The following DIP2C variants were observed in gnomAD, a reference collection of about 807,000 sequenced individuals.
The protein encoded by DIP2C is DIP2 acetate--CoA ligase C (putative), also known as disco-interacting protein 2 homolog C.
Under a neutral mutation model 192.4 loss-of-function variants are expected in DIP2C, and 33 were observed. The ratio of observed to expected loss-of-function variants is 0.17; its 90% CI spans 0.13 to 0.23. DIP2C has a LOEUF of 0.23. Among genes scored for constraint, DIP2C ranks in the 10% least tolerant of loss-of-function variants. The pLI is 1.00. For synonymous variants in DIP2C, 979 were observed against 864.1 expected, an observed-to-expected ratio of 1.13 and a Z score of -2.33; for missense variants, 1,537 against 2,110.1, an observed-to-expected ratio of 0.73 and a Z score of 5.32.
chr10:500,961 C>A (rs1325766875), intron 1 of DIP2C, among the ~76,000 whole-genome samples: 1 of 152,118 alleles, frequency 6.6e-6, no homozygotes, highest in East Asian at 1.9e-4. Context: ...ATTTAAGAGG[C>A]CTGAGGTTTT....
rs374388646 is a variant in DIP2C at position 325,082 on chromosome 10, G to A, written c.3924+1924C>T. The A allele has an allele frequency of 1.1e-3, 457 of 407,798 alleles. 1 individual carries two copies. Among genetic ancestry groups the A allele is most frequent in the African/African-American group, 7.7e-3 (368 of 48,060 alleles). The allele number at this position is 407,798 out of a possible 1,614,324, so 25.3% of individuals were successfully genotyped here. A position where few individuals can be genotyped will look rare whatever the true frequency, so the allele number is the denominator to read the frequency against. On this transcript the variant is annotated intron_variant, in intron 31 of 36. Transcript: ENST00000280886. The stretch of plus-strand genomic sequence containing the variant: ...AGATCAAAACCATGCTGGCTAACAC[G>A]GTGAAACCCCATCTCTACTAAAAAT...
chr10:440,451 A>G (rs1271524277), intron 4 of DIP2C, among the ~76,000 whole-genome samples: 1 of 152,230 alleles, frequency 6.6e-6, no homozygotes, highest in Non-Finnish European at 1.5e-5. Flanking sequence ...GTAACTGCCT[A>G]AATTGTCCAA....
At chr10:334,498 A>G (rs1439848639) in intron 29 of DIP2C, among the ~76,000 whole-genome samples, 1 of 152,052 alleles carries the variant, frequency 6.6e-6, no homozygotes, top group African/African-American at 2.4e-5. Flanking sequence ...ACCTTTGATG[A>G]ACTCTGTGCC....
At chr10:454,128 T>C (rs1396452646) in intron 3 of DIP2C, among the ~76,000 whole-genome samples, 12 of 152,194 alleles carry the variant, frequency 7.9e-5, no homozygotes, top group Admixed American at 7.9e-4. Context: ...GGCAGATCTT[T>C]CTCGTTTTTT....
chr10:377,891 T>C (rs187084722), intron 17 of DIP2C, among the ~76,000 whole-genome samples: 83 of 152,324 alleles, frequency 5.4e-4, no homozygotes, highest in Non-Finnish European at 1.0e-3. Flanking sequence ...ATTACTAAAA[T>C]ATCAGGGTAT....
At chr10:472,763 G>A (rs375535889) in intron 2 of DIP2C, among the ~76,000 whole-genome samples, 165 of 152,206 alleles carry the variant, frequency 1.1e-3, no homozygotes, top group South Asian at 2.3e-3. Flanking sequence ...ACGCCGCCAC[G>A]GTCCCTTTCA....
chr10:644,458 T>G (rs1354745964), intron 1 of DIP2C, among the ~76,000 whole-genome samples: 1 of 152,282 alleles, frequency 6.6e-6, no homozygotes, highest in Non-Finnish European at 1.5e-5. Flanking sequence ...AATCCCAGAC[T>G]TGCCCACAGC....
chr10:432,991 T>C (rs1170672282), intron 4 of DIP2C, among the ~76,000 whole-genome samples: 1 of 152,234 alleles, frequency 6.6e-6, no homozygotes, highest in African/African-American at 2.4e-5. Context: ...ACTCGTTTAA[T>C]TCCTATTCTT....
intron 1 of DIP2C, among the ~76,000 whole-genome samples, chr10:671,554 C>A (rs980099030): frequency 2.5e-5 from 2 of 79,076 alleles, no homozygotes; most frequent in African/African-American, 5.5e-5. Flanking sequence ...GACGCACGGA[C>A]GGAGGAAACG....
At chr10:313,633 C>A (rs151053119) in intron 31 of DIP2C, among the ~76,000 whole-genome samples, 2 of 152,314 alleles carry the variant, frequency 1.3e-5, no homozygotes, top group East Asian at 3.9e-4. Context: ...GCAAATGCTG[C>A]GCCATTTTCC....
chr10:288,306 C>T, intron 33 of DIP2C, 58 bp downstream of exon 33: 3 of 1,497,198 alleles, frequency 2.0e-6, no homozygotes, highest in Non-Finnish European at 2.8e-6. Context: ...AATTTCAAAG[C>T]CCATACAGTC....
At chr10:418,221 T>G (rs866248995) in intron 6 of DIP2C, among the ~76,000 whole-genome samples, 2 of 86,746 alleles carry the variant, frequency 2.3e-5, no homozygotes, top group African/African-American at 5.7e-5. Flanking sequence ...GTCCACCTGT[T>G]CCTGTCAGGG....
At chr10:400,377 T>A (rs988286618) in intron 9 of DIP2C, among the ~76,000 whole-genome samples, 1 of 152,184 alleles carries the variant, frequency 6.6e-6, no homozygotes, top group Non-Finnish European at 1.5e-5. Flanking sequence ...CGAAGAACAA[T>A]TTTCCTTCGA....
In DIP2C at chr10:676,737, T is replaced by C. The variant is rs565473420; in HGVS notation, c.85+12757A>G. Among the ~76,000 whole-genome samples the C allele has an allele frequency of 2.2e-3, 342 of 152,036 alleles. 1 individual carries two copies. The highest frequency in any genetic ancestry group is 7.5e-3 in the African/African-American group (311 of 41,478). On this transcript the variant is annotated intron_variant, in intron 1 of 36. Coordinates refer to ENST00000280886, the MANE Select transcript of DIP2C (RefSeq NM_014974.3). ...GGGTTAAAGATCTCTATGAGGAAAATAATATTCTACCCTCTGAGGGTAGAA... is the reference window on the plus strand; with the variant it reads ...GGGTTAAAGATCTCTATGAGGAAAACAATATTCTACCCTCTGAGGGTAGAA...
At position 619,463 on chromosome 10, in the gene DIP2C, G is replaced by A. The variant is rs941698757; in HGVS notation, c.85+70031C>T. ...CATCTTCAGAGCCCACGGCAGCCCT[G>A]GCGGCTCCTCAACAGGAAGACGCAG... On this transcript the variant is annotated intron_variant, in intron 1 of 36. Coordinates refer to ENST00000280886, the MANE Select transcript of DIP2C (RefSeq NM_014974.3). Among the ~76,000 whole-genome samples the A allele has an allele frequency of 5.9e-5, 9 of 151,286 alleles. No individual in the cohort carries two copies. In the South Asian group the frequency reaches 6.2e-4, roughly 10 times the overall value.
chr10:615,470 TAC>T (rs1491113725), intron 1 of DIP2C, among the ~76,000 whole-genome samples: 1 of 152,296 alleles, frequency 6.6e-6, no homozygotes, highest in East Asian at 1.9e-4. Flanking sequence ...ATCAGTCATT[TAC>T]AGTCACTCAC....
chr10:653,089 G>A (rs927806723), intron 1 of DIP2C, among the ~76,000 whole-genome samples: 1 of 151,970 alleles, frequency 6.6e-6, no homozygotes, highest in African/African-American at 2.4e-5. Context: ...CCAGAACAGA[G>A]GTGTGAGGGG....
At chr10:631,971 GA>G (rs1373874835) in intron 1 of DIP2C, among the ~76,000 whole-genome samples, 1 of 152,202 alleles carries the variant, frequency 6.6e-6, no homozygotes, top group African/African-American at 2.4e-5. Flanking sequence ...CAAAACTTTA[GA>G]AAGTATTAAG....
At chr10:656,884 C>A (rs1161797008) in intron 1 of DIP2C, among the ~76,000 whole-genome samples, 1 of 152,218 alleles carries the variant, frequency 6.6e-6, no homozygotes, top group Non-Finnish European at 1.5e-5. Flanking sequence ...TGACTTAGCA[C>A]AAAGAGCATG....
Sources: gnomAD v4.1 joint callset for allele counts (sites outside exome capture counted in the v4.1 genomes callset) on GRCh38, gnomAD v4.1.1 for gene constraint, MANE v1.5 for transcripts, NCBI Gene and HGNC (gene_info 2026-07-23, HGNC 2026-07-21) for gene names.